ANO3: variants seen among roughly 807,000 people sequenced by gnomAD.
ANO3 encodes anoctamin-3.
In ANO3, 99 loss-of-function variants were observed where a neutral mutation model predicts 144.8. The observed-to-expected ratio is 0.68, with a 90% CI of 0.58 to 0.81. The LOEUF is 0.81. Ranked by LOEUF, ANO3 falls within the 30% of genes least tolerant of loss-of-function variation. The probability of loss-of-function intolerance (pLI) is 0.00; values close to 1 mark genes in which losing one functional copy is unlikely to be tolerated. For synonymous variants in ANO3, 414 were observed against 392.6 expected (o/e 1.05, Z -0.64); for missense variants, 905 against 1,202.2 (o/e 0.75, Z 3.66).
In ANO3 at chr11:26,534,696, A is replaced by G. The variant is rs1034055174; in HGVS notation, c.976+134A>G. 8.1e-6 allele frequency: 4 copies of G among 492,650 alleles called. No homozygotes were observed. The South Asian group carries it at 2.1e-4, about 26-fold the overall frequency. 30.5% of individuals were successfully genotyped at this position (492,650 alleles called of 1,614,324 possible). On this transcript the variant is annotated intron_variant, in intron 9 of 26. Transcript: ENST00000256737. ...GTATAACATATTGAACACACACTCT[A>G]TAAGCATTCCATTTTTCAGCCTTTT... is the stretch of plus-strand genomic sequence containing the variant.
intron 4 of ANO3, among the ~76,000 whole-genome samples, chr11:26,488,949 GTT>G (rs1411878978): frequency 6.6e-6 from 1 of 152,110 alleles, no homozygotes; most frequent in Non-Finnish European, 1.5e-5. Context: ...TGATTGGTAT[GTT>G]TTTACAGAGT....
At chr11:26,401,116 G>A (rs1174166467) in intron 1 of ANO3, among the ~76,000 whole-genome samples, 8 of 151,934 alleles carry the variant, frequency 5.3e-5, no homozygotes, top group Non-Finnish European at 1.2e-4. Context: ...TTTCTAAAAG[G>A]GAGATTGAAA....
chr11:26,218,971 G>T (rs1322543898), intron 1 of ANO3, among the ~76,000 whole-genome samples: 1 of 152,118 alleles, frequency 6.6e-6, no homozygotes, highest in East Asian at 1.9e-4. Context: ...ATTCTTAAAT[G>T]CTTACCACCT....
chr11:26,615,186 T>G (rs1852215500), intron 17 of ANO3, among the ~76,000 whole-genome samples: 1 of 149,266 alleles, frequency 6.7e-6, no homozygotes, highest in Admixed American at 6.7e-5. Flanking sequence ...GTTTTTGTTT[T>G]TTTTTTTACT....
At chr11:26,609,521 C>T (rs1852033466) in intron 17 of ANO3, among the ~76,000 whole-genome samples, 1 of 151,994 alleles carries the variant, frequency 6.6e-6, no homozygotes, top group Non-Finnish European at 1.5e-5. Flanking sequence ...CAGGATATCA[C>T]ATGCAGGATT....
intron 1 of ANO3, among the ~76,000 whole-genome samples, chr11:26,323,848 A>T (rs1455439472): frequency 1.3e-5 from 2 of 152,154 alleles, no homozygotes; most frequent in Non-Finnish European, 2.9e-5. Flanking sequence ...TGTGATAATA[A>T]TACCCTTTGT....
intron 18 of ANO3, among the ~76,000 whole-genome samples, chr11:26,632,655 A>G (rs758526552): frequency 1.3e-5 from 2 of 151,264 alleles, no homozygotes; most frequent in Non-Finnish European, 2.9e-5. Flanking sequence ...CATATGCCCA[A>G]CAGGAACACA....
chr11:26,443,842 T>G lies in ANO3; in HGVS notation c.313+6T>G, dbSNP rs1453179301. Reference sequence around the variant, plus strand: ...CCTCAGCGATTTTTGTTTGGGTAAGTTGATAATCAGTATTTACCTACTCCT... The same window carrying G: ...CCTCAGCGATTTTTGTTTGGGTAAGGTGATAATCAGTATTTACCTACTCCT... On this transcript the variant is annotated splice_donor_region_variant and intron_variant, in intron 3 of 26. Transcript: ENST00000256737. 1 of 1,605,940 alleles carries G rather than the reference T, an allele frequency of 6.2e-7. No homozygotes were observed. Among genetic ancestry groups the G allele is most frequent in the Non-Finnish European group, 8.5e-7 (1 of 1,173,792 alleles).
At chr11:26,297,348 G>A (rs1021414628) in intron 1 of ANO3, among the ~76,000 whole-genome samples, 1 of 151,928 alleles carries the variant, frequency 6.6e-6, no homozygotes, top group East Asian at 1.9e-4. Flanking sequence ...ACCAGTGAGT[G>A]TCGCTGTTCT....
intron 1 of ANO3, among the ~76,000 whole-genome samples, chr11:26,217,836 T>C (rs879808321): frequency 3.3e-4 from 50 of 151,986 alleles, no homozygotes; most frequent in Non-Finnish European, 6.2e-4. Context: ...GTTGTTGTTG[T>C]TGTTGTGTTG....
rs1369638797 is a variant in ANO3 at position 26,663,221 on chromosome 11, G to A, written c.*2777G>A. The stretch of plus-strand genomic sequence containing the variant: ...GCACATTCTTCCAAAATGATCCTTA[G>A]CACAATCTATTGTATGATGGAATGA... On this transcript the variant is annotated 3_prime_UTR_variant, in exon 27 of 27. Transcript: ENST00000256737. The A allele has an allele frequency of 1.3e-5, 2 of 151,920 alleles. No individual in the cohort carries two copies. Among genetic ancestry groups the A allele is most frequent in the African/African-American group, 4.8e-5 (2 of 41,396 alleles). The allele number at this position is 151,920 out of a possible 1,614,324, so 9.4% of individuals were successfully genotyped here.
chr11:26,574,858 G>A (rs556482480), intron 14 of ANO3, among the ~76,000 whole-genome samples: 2 of 151,968 alleles, frequency 1.3e-5, no homozygotes, highest in African/African-American at 4.8e-5. Flanking sequence ...AATGCCCTTG[G>A]TTAAGCAGAG....
chr11:26,515,700 CAT>C (rs1861836665), intron 5 of ANO3, among the ~76,000 whole-genome samples: 2 of 151,850 alleles, frequency 1.3e-5, no homozygotes, highest in African/African-American at 4.8e-5. Context: ...TTTTAAGATT[CAT>C]ATGTTTCTTG....
intron 14 of ANO3, among the ~76,000 whole-genome samples, chr11:26,586,501 A>ATTTTTTTTTTTTTTTTTT (rs1281089936): frequency 5.0e-5 from 2 of 40,018 alleles, no homozygotes; most frequent in African/African-American, 1.8e-4. Flanking sequence ...CCTGGTGAGA[A>ATTTTTTTTTTTTTTTTTT]TCTTTTTTTT....
intron 1 of ANO3, among the ~76,000 whole-genome samples, chr11:26,369,277 A>T (rs1250405639): frequency 2.0e-5 from 3 of 152,266 alleles, no homozygotes; most frequent in Non-Finnish European, 4.4e-5. Context: ...GGCATTTAGG[A>T]ACTCTTTCAA....
intron 1 of ANO3, among the ~76,000 whole-genome samples, chr11:26,358,604 G>C (rs1339516690): frequency 6.6e-6 from 1 of 151,974 alleles, no homozygotes; most frequent in Non-Finnish European, 1.5e-5. Context: ...ATTTTTATGT[G>C]TATTGTGTTT....
chr11:26,552,867 G>A (rs1379593047), intron 12 of ANO3, among the ~76,000 whole-genome samples: 2 of 152,014 alleles, frequency 1.3e-5, no homozygotes, highest in African/African-American at 2.4e-5. Context: ...AAACCAAATA[G>A]GTTTGATTCC....
intron 1 of ANO3, among the ~76,000 whole-genome samples, chr11:26,325,296 G>T (rs1182861623): frequency 6.6e-6 from 1 of 151,958 alleles, no homozygotes; most frequent in Admixed American, 6.6e-5. Context: ...GCTGAATTTT[G>T]CACATAGATT....
intron 18 of ANO3, among the ~76,000 whole-genome samples, chr11:26,631,230 A>G (rs1852768508): frequency 6.6e-6 from 1 of 152,112 alleles, no homozygotes; most frequent in Non-Finnish European, 1.5e-5. Context: ...ATGTTAGTCA[A>G]TATTACATGT....
Sources: allele counts gnomAD v4.1 joint callset (sites outside exome capture counted in the v4.1 genomes callset), GRCh38; gene constraint gnomAD v4.1.1; transcripts MANE v1.5; gene names NCBI Gene and HGNC (gene_info 2026-07-23, HGNC 2026-07-21).